The following SEMA3D variants were observed in gnomAD, a reference collection of about 807,000 sequenced individuals.
The protein encoded by SEMA3D is semaphorin-3D.
Under a neutral mutation model 100.1 loss-of-function variants are expected in SEMA3D, and 84 were observed. That is an observed-to-expected ratio of 0.84 (90% confidence interval 0.70 to 1.01). SEMA3D has a LOEUF of 1.01. SEMA3D is among the 50% of genes least tolerant of loss of function. The probability of loss-of-function intolerance (pLI) is 0.00; values close to 1 mark genes in which losing one functional copy is unlikely to be tolerated. For synonymous variants in SEMA3D, 312 were observed against 320.7 expected, an observed-to-expected ratio of 0.97 and a Z score of 0.29; for missense variants, 875 against 934.1, an observed-to-expected ratio of 0.94 and a Z score of 0.82.
intron 12 of SEMA3D, chr7:85,028,731 T>G (rs12707697): frequency 0.19 from 35,593 of 192,186 alleles, 4,323 homozygotes; most frequent in East Asian, 0.45. Context: ...TGTGCCCAAT[T>G]TGGAGAATTG....
the SEMA3D span, among the ~76,000 whole-genome samples, chr7:85,209,660 A>G: frequency 1.3e-4 from 20 of 152,182 alleles, no homozygotes; most frequent in Middle Eastern, 3.4e-3. Context: ...CTTTCTTCCC[A>G]AATACAGTTT....
At chr7:85,037,054 C>G (rs761739942) in intron 11 of SEMA3D, 21 bp from the exon 12 acceptor site, 9 of 1,606,378 alleles carry the variant, frequency 5.6e-6, no homozygotes, top group Non-Finnish European at 7.6e-6. Context: ...AAAGCATCAT[C>G]ATTCAATCAT....
the SEMA3D span, among the ~76,000 whole-genome samples, chr7:85,215,587 G>A: frequency 6.6e-6 from 1 of 151,854 alleles, no homozygotes; most frequent in East Asian, 1.9e-4. Flanking sequence ...TTAATCTCAG[G>A]ATACTTTTAT....
At chr7:85,066,892 T>TCACACACACACACACACACACACA (rs542898682) in intron 7 of SEMA3D, among the ~76,000 whole-genome samples, 110 of 106,846 alleles carry the variant, frequency 1.0e-3, no homozygotes, top group African/African-American at 4.1e-3. Flanking sequence ...AAATGTGCGC[T>TCACACACACACACACACACACACA]CACACACACA....
chr7:85,060,272 T>C (rs756431826), intron 8 of SEMA3D, among the ~76,000 whole-genome samples: 4 of 152,194 alleles, frequency 2.6e-5, no homozygotes, highest in Non-Finnish European at 5.9e-5. Context: ...TATTCTGTGA[T>C]TTAAATAGTA....
At chr7:85,016,691 A>C (rs760887453) in intron 15 of SEMA3D, among the ~76,000 whole-genome samples, 1 of 151,564 alleles carries the variant, frequency 6.6e-6, no homozygotes, top group Non-Finnish European at 1.5e-5. Context: ...CCACACTGCC[A>C]CACCAGACTA....
chr7:85,167,927 T>C (rs1245094615), intron 1 of SEMA3D, among the ~76,000 whole-genome samples: 8 of 151,774 alleles, frequency 5.3e-5, no homozygotes, highest in African/African-American at 1.7e-4. Flanking sequence ...AGATAACAAA[T>C]AGAAAATGGT....
intron 2 of SEMA3D, chr7:85,151,705 A>C: frequency 1.0e-6 from 1 of 979,356 alleles, no homozygotes; most frequent in African/African-American, 1.7e-5. Flanking sequence ...AGCATCTTGT[A>C]CTGGTAGAGC....
chr7:85,054,357 C>T (rs1791249679), intron 9 of SEMA3D, among the ~76,000 whole-genome samples: 1 of 152,032 alleles, frequency 6.6e-6, no homozygotes, highest in Non-Finnish European at 1.5e-5. Flanking sequence ...CACAGCTTTT[C>T]AGGGTCAGGA....
intron 12 of SEMA3D, among the ~76,000 whole-genome samples, chr7:85,032,002 C>T (rs1355167657): frequency 6.6e-6 from 1 of 151,864 alleles, no homozygotes; most frequent in Non-Finnish European, 1.5e-5. Flanking sequence ...GTGCATATTA[C>T]AGAATATTAA....
intron 2 of SEMA3D, among the ~76,000 whole-genome samples, chr7:85,150,396 TTACAGGG>T: frequency 2.2e-5 from 3 of 133,378 alleles, no homozygotes; most frequent in African/African-American, 5.4e-5. Context: ...ACACATATAT[TTACAGGG>T]ATATATATAT....
the SEMA3D span, among the ~76,000 whole-genome samples, chr7:85,230,832 G>A: frequency 4.6e-5 from 7 of 151,724 alleles, no homozygotes; most frequent in Non-Finnish European, 1.0e-4. Context: ...TCTCCATGTC[G>A]AAGAACATAA....
chr7:85,025,477 T>C (rs1165333803), intron 12 of SEMA3D, among the ~76,000 whole-genome samples: 1 of 151,982 alleles, frequency 6.6e-6, no homozygotes, highest in Non-Finnish European at 1.5e-5. Flanking sequence ...GGGCCTTTAG[T>C]AGTGGAATGG....
intron 3 of SEMA3D, among the ~76,000 whole-genome samples, chr7:85,113,158 A>C (rs993926391): frequency 2.6e-5 from 4 of 152,222 alleles, no homozygotes; most frequent in African/African-American, 9.6e-5. Flanking sequence ...TTACAATTGC[A>C]GCGTAAACTG....
intron 2 of SEMA3D, among the ~76,000 whole-genome samples, chr7:85,138,290 A>C (rs904509633): frequency 6.6e-6 from 1 of 151,680 alleles, no homozygotes; most frequent in Admixed American, 6.6e-5. Context: ...TTTAATTCAT[A>C]ATTTTATTGT....
rs372631793 is a variant in SEMA3D, at chr7:85,020,305, G to C, written c.1431C>G (p.Leu477=). 43 of 1,609,280 alleles carry C rather than the reference G, an allele frequency of 2.7e-5. No homozygotes were observed. The highest frequency in any genetic ancestry group is 3.4e-5 in the Non-Finnish European group (40 of 1,176,974). ...MFLGTDIGTV[L]KVVSISKEKW... Reference sequence around the variant, plus strand: ...TTTCCTTTGAAATGCTGACAACTTTGAGGACAGTTCCAATGTCTGAAAAAA... The same window carrying C: ...TTTCCTTTGAAATGCTGACAACTTTCAGGACAGTTCCAATGTCTGAAAAAA... Residue 477 remains leucine (L), a synonymous_variant, in exon 14 of 19, where the codon CTC becomes CTG. Transcript: ENST00000284136.
chr7:85,010,246 A>C (rs1291114168), intron 17 of SEMA3D, among the ~76,000 whole-genome samples: 4 of 151,870 alleles, frequency 2.6e-5, no homozygotes, highest in Non-Finnish European at 4.4e-5. Context: ...GGGTCAGAGA[A>C]TATACTAGCG....
At chr7:85,064,878 G>C (rs941007555) in intron 8 of SEMA3D, among the ~76,000 whole-genome samples, 4 of 152,090 alleles carry the variant, frequency 2.6e-5, no homozygotes, top group African/African-American at 9.7e-5. Flanking sequence ...ACAAAATTAT[G>C]TCAATATTAA....
chr7:85,138,629 TA>T (rs1168683602), intron 2 of SEMA3D, among the ~76,000 whole-genome samples: 2 of 140,214 alleles, frequency 1.4e-5, no homozygotes, highest in African/African-American at 5.4e-5. Context: ...TTATAATATA[TA>T]AATTAAATTA....
Sources: allele counts gnomAD v4.1 joint callset (sites outside exome capture counted in the v4.1 genomes callset), GRCh38; gene constraint gnomAD v4.1.1; transcripts MANE v1.5; gene names NCBI Gene and HGNC (gene_info 2026-07-23, HGNC 2026-07-21).